Variants in GLI2 observed in about 807,000 individuals in gnomAD.
GLI2 encodes the protein transcription activator GLI2.
Under a neutral mutation model 78.9 loss-of-function variants are expected in GLI2, and 22 were observed. The observed-to-expected ratio is 0.28, with a 90% confidence interval of 0.20 to 0.40. The LOEUF (loss-of-function observed/expected upper bound fraction) is 0.40, where lower values mean the gene tolerates loss of function less well. Among genes scored for constraint, GLI2 ranks in the 10% least tolerant of loss-of-function variants. The probability of loss-of-function intolerance (pLI) is 1.00; values close to 1 mark genes in which losing one functional copy is unlikely to be tolerated. For synonymous variants in GLI2, 974 were observed against 963.7 expected (o/e 1.01, Z -0.20); for missense variants, 2,097 against 2,213.2 (o/e 0.95, Z 1.05).
intron 2 of GLI2, among the ~76,000 whole-genome samples, chr2:120,823,494 T>A (rs1336349960): frequency 6.6e-6 from 1 of 152,162 alleles, no homozygotes; most frequent in African/African-American, 2.4e-5. Flanking sequence ...CACAGAGCAT[T>A]CGGGCTGGAG....
chr2:120,905,146 G>T (rs2104794277), intron 2 of GLI2, among the ~76,000 whole-genome samples: 1 of 152,268 alleles, frequency 6.6e-6, no homozygotes, highest in South Asian at 2.1e-4. Flanking sequence ...ATTTCTGGCA[G>T]CCTCAGGCTC....
chr2:120,842,543 A>G (rs1485683245), intron 2 of GLI2, among the ~76,000 whole-genome samples: 2 of 152,224 alleles, frequency 1.3e-5, no homozygotes, highest in African/African-American at 4.8e-5. Context: ...ATGAGAAATC[A>G]TCTTGCCAAG....
chr2:120,879,587 C>T (rs1235830648), intron 2 of GLI2, among the ~76,000 whole-genome samples: 2 of 152,168 alleles, frequency 1.3e-5, no homozygotes, highest in African/African-American at 2.4e-5. Flanking sequence ...CAGGCCACGG[C>T]GGGCTGGACA....
chr2:120,865,528 G>T (rs1688086729), intron 2 of GLI2, among the ~76,000 whole-genome samples: 1 of 152,188 alleles, frequency 6.6e-6, no homozygotes, highest in African/African-American at 2.4e-5. Context: ...TGTGGCCTTT[G>T]CGGTGCCCTT....
At chr2:120,843,966 C>T (rs1279456370) in intron 2 of GLI2, among the ~76,000 whole-genome samples, 3 of 152,022 alleles carry the variant, frequency 2.0e-5, no homozygotes, top group African/African-American at 7.2e-5. Flanking sequence ...CGTGCCTGTC[C>T]AGGAGTGTGG....
At position 120,986,325 on chromosome 2, in the gene GLI2, C is replaced by T; in HGVS notation, c.1953C>T (p.Pro651=). The change falls in exon 13 of 14, where the codon CCC becomes CCT. Residue 651 remains proline (P), a synonymous_variant. Coordinates refer to ENST00000361492, the MANE Select transcript of GLI2 (RefSeq NM_001374353.1). The stretch of plus-strand genomic sequence containing the variant: ...CCCAGTCGTCCTGCAGCAGCGAGCC[C>T]TCTCCTCTGGGCAGTGCCCCCAACA... The part of the protein sequence containing the change: ...PGAQSSCSSE[P]SPLGSAPNND... 2 of 1,613,566 alleles carry T rather than the reference C, an allele frequency of 1.2e-6. No homozygotes were observed. Among genetic ancestry groups the T allele is most frequent in the South Asian group, 1.1e-5 (1 of 91,080 alleles).
chr2:120,760,659 C>G (rs1683187579), intron 1 of GLI2, among the ~76,000 whole-genome samples: 1 of 152,208 alleles, frequency 6.6e-6, no homozygotes, highest in Non-Finnish European at 1.5e-5. Flanking sequence ...GCCACTGAGC[C>G]TTGCTTGGTT....
At chr2:120,741,657 C>T (rs2104621270) in intron 1 of GLI2, among the ~76,000 whole-genome samples, 1 of 152,206 alleles carries the variant, frequency 6.6e-6, no homozygotes, top group African/African-American at 2.4e-5. Context: ...TCCCTCCGCG[C>T]CGGCTTTTCC....
chr2:120,942,526 C>T (rs749301783), intron 3 of GLI2, among the ~76,000 whole-genome samples: 6 of 152,226 alleles, frequency 3.9e-5, no homozygotes, highest in Middle Eastern at 3.2e-3. Context: ...TCTCCAAATC[C>T]TTGTCTTAAT....
intron 6 of GLI2, 149 bp downstream of exon 6, chr2:120,969,064 A>G (rs1682009789): frequency 1.5e-6 from 1 of 678,714 alleles, no homozygotes; most frequent in Non-Finnish European, 2.7e-6. Context: ...CACCTTTTTT[A>G]TGAATTCAAA....
At chr2:120,948,943 C>G (rs1680850558) in intron 3 of GLI2, among the ~76,000 whole-genome samples, 1 of 152,140 alleles carries the variant, frequency 6.6e-6, no homozygotes, top group African/African-American at 2.4e-5. Flanking sequence ...ATTCTCTCAG[C>G]CTGTAGACAC....
chr2:120,961,609 C>T (rs576622718), intron 5 of GLI2, among the ~76,000 whole-genome samples: 6 of 152,350 alleles, frequency 3.9e-5, no homozygotes, highest in East Asian at 1.9e-4. Flanking sequence ...CGCTGCTCCA[C>T]GGCCCAGGCG....
chr2:120,848,448 T>G (rs1407249392), intron 2 of GLI2, among the ~76,000 whole-genome samples: 1 of 152,040 alleles, frequency 6.6e-6, no homozygotes, highest in Non-Finnish European at 1.5e-5. Context: ...GCCCCTGGGG[T>G]TGTCCCTGTC....
intron 4 of GLI2, among the ~76,000 whole-genome samples, chr2:120,953,023 C>T (rs895044537): frequency 6.6e-5 from 10 of 152,240 alleles, no homozygotes; most frequent in Non-Finnish European, 1.3e-4. Flanking sequence ...GATGGTCACA[C>T]CTAGTATGGC....
At chr2:120,877,910 G>C (rs1346703318) in intron 2 of GLI2, among the ~76,000 whole-genome samples, 2 of 152,090 alleles carry the variant, frequency 1.3e-5, no homozygotes, top group Non-Finnish European at 2.9e-5. Flanking sequence ...GGTTATAGGG[G>C]GCACATGTGG....
chr2:120,946,963 G>A (rs574380217), intron 3 of GLI2, among the ~76,000 whole-genome samples: 1 of 151,668 alleles, frequency 6.6e-6, no homozygotes, highest in African/African-American at 2.4e-5. Flanking sequence ...CTGGGAACAT[G>A]TGTGCCCCTG....
intron 1 of GLI2, among the ~76,000 whole-genome samples, chr2:120,767,866 G>T (rs1683410650): frequency 6.6e-6 from 1 of 152,204 alleles, no homozygotes; most frequent in South Asian, 2.1e-4. Flanking sequence ...CAATTCCCAT[G>T]GACATTGTGC....
intron 2 of GLI2, among the ~76,000 whole-genome samples, chr2:120,905,537 G>A (rs997345159): frequency 5.9e-5 from 9 of 152,212 alleles, no homozygotes; most frequent in Non-Finnish European, 1.2e-4. Context: ...GGATTAGGAA[G>A]CTAAAGCCCT....
At chr2:120,921,975 G>A (rs887521627) in intron 2 of GLI2, among the ~76,000 whole-genome samples, 40 of 152,076 alleles carry the variant, frequency 2.6e-4, no homozygotes, top group African/African-American at 8.7e-4. Flanking sequence ...ACTTACCTCC[G>A]TGCCTCATCC....
Sources: allele counts gnomAD v4.1 joint callset (sites outside exome capture counted in the v4.1 genomes callset), GRCh38; gene constraint gnomAD v4.1.1; transcripts MANE v1.5; gene names NCBI Gene and HGNC (gene_info 2026-07-23, HGNC 2026-07-21).